USP37: variants seen among roughly 807,000 people sequenced by gnomAD.
The protein encoded by USP37 is ubiquitin specific peptidase 37.
A neutral mutation model predicts 124.0 loss-of-function variants in USP37; 27 were observed. That is an observed-to-expected ratio of 0.22 (90% CI 0.16 to 0.30). The LOEUF (loss-of-function observed/expected upper bound fraction) is 0.30. USP37 is among the 10% of genes least tolerant of loss of function. The pLI, the probability that USP37 is intolerant of heterozygous loss-of-function variation, is 1.00. For missense variants in USP37, 889 were observed against 1,140.4 expected (o/e 0.78, Z 3.17); for synonymous variants, 365 against 388.0 (o/e 0.94, Z 0.70).
At chr2:218,488,175 C>CAAAAAAAAAAAAAAAA (rs66581703) in intron 15 of USP37, 129 bp downstream of exon 15, 1 of 311,160 alleles carries the variant, frequency 3.2e-6, no homozygotes, top group Non-Finnish European at 5.3e-6. Flanking sequence ...GACCCTGTCT[C>CAAAAAAAAAAAAAAAA]AAAAAAAAAA....
At chr2:218,544,780 G>A (rs947370675) in intron 8 of USP37, among the ~76,000 whole-genome samples, 1 of 152,048 alleles carries the variant, frequency 6.6e-6, no homozygotes, top group Non-Finnish European at 1.5e-5. Flanking sequence ...ATAGACCCAA[G>A]ACCCCTCCAG....
At position 218,498,038 on chromosome 2, in the gene USP37, T is replaced by C. The variant is rs746365568; in HGVS notation, c.1145A>G (p.Asn382Ser). 9 of 1,608,310 alleles carry C rather than the reference T, an allele frequency of 5.6e-6. No homozygotes were observed. Among genetic ancestry groups the C allele is most frequent in the African/African-American group, 1.3e-5 (1 of 74,658 alleles). Residue 382 changes from asparagine (N) to serine (S), a missense_variant, in exon 12 of 26, where the codon AAT (asparagine) becomes AGT (serine). Asn to Ser is a conservative substitution (Grantham distance 46). Coordinates refer to ENST00000258399, the MANE Select transcript of USP37 (RefSeq NM_020935.3). ...QGIPWKKIPL[N>S]ALIRRFAHLL... ...ACATAATGATTACCTGATAAGTGCA[T>C]TGAGTGGAATTTTCTTCCATGGGAT...
At chr2:218,518,874 T>TAGTGCCACACTA (rs1690439763) in intron 10 of USP37, among the ~76,000 whole-genome samples, 1 of 152,208 alleles carries the variant, frequency 6.6e-6, no homozygotes, top group East Asian at 1.9e-4. Flanking sequence ...AGATAGTAAA[T>TAGTGCCACACTA]AGTGCCACAC....
intron 10 of USP37, among the ~76,000 whole-genome samples, chr2:218,523,046 C>A (rs537401620): frequency 6.6e-6 from 1 of 152,110 alleles, no homozygotes; most frequent in Non-Finnish European, 1.5e-5. Context: ...GAGGCCGAGA[C>A]GGGTGGATCA....
At chr2:218,486,711 C>A (rs1691586009) in intron 15 of USP37, among the ~76,000 whole-genome samples, 1 of 152,146 alleles carries the variant, frequency 6.6e-6, no homozygotes, top group Non-Finnish European at 1.5e-5. Context: ...AGCCACCACA[C>A]CCAGCCAGAT....
At position 218,495,818 on chromosome 2, in the gene USP37, T is replaced by G. The variant is rs1334994025; in HGVS notation, c.1414A>C (p.Thr472Pro). The change falls in exon 14 of 26, where the codon ACT becomes CCT. Residue 472 changes from threonine to proline, a missense_variant. This residue lies in a region of USP37 where 504 missense variants were observed against 714.3 expected (regional missense o/e 0.71). Coordinates refer to ENST00000258399, the MANE Select transcript of USP37 (RefSeq NM_020935.3). The stretch of plus-strand genomic sequence containing the variant: ...TCCAAATTAGTAATAACAGGGCAAG[T>G]GTATGCTCTGGTAGCTGAAATATCT... ...SPDISATRAYTCPVITNLEFE... is the reference protein window; with the variant it reads ...SPDISATRAYPCPVITNLEFE... 1 of 1,613,962 alleles carries G rather than the reference T, an allele frequency of 6.2e-7. No individual in the cohort carries two copies. The highest frequency in any genetic ancestry group is 1.7e-5 in the Admixed American group (1 of 60,018).
chr2:218,483,298 G>A (rs77949935), intron 16 of USP37, among the ~76,000 whole-genome samples: 2 of 138,268 alleles, frequency 1.4e-5, no homozygotes, highest in East Asian at 1.9e-4. Flanking sequence ...AGTAAAAGGT[G>A]GGGGGGAAGG....
intron 22 of USP37, among the ~76,000 whole-genome samples, chr2:218,462,445 T>C (rs961210688): frequency 1.1e-4 from 16 of 152,182 alleles, no homozygotes; most frequent in African/African-American, 3.9e-4. Context: ...AACAGATTCC[T>C]ACATCTACTT....
rs1242983431 is a variant in USP37 at position 218,512,375 on chromosome 2, C to T, written c.864-2235G>A. ...TACAAAAATTAGCCAAGCGTAGTGG[C>T]GCACACCAGTAGTCCCCAGCTACTT... On this transcript the variant is annotated intron_variant, in intron 10 of 25. Coordinates refer to ENST00000258399, the MANE Select transcript of USP37 (RefSeq NM_020935.3). 3.9e-5 allele frequency among the ~76,000 whole-genome samples: 6 copies of T among 151,976 alleles called. No homozygotes were observed. In the South Asian group the frequency reaches 6.2e-4, roughly 16 times the overall value.
chr2:218,555,647 A>C (rs1692927339), intron 4 of USP37, among the ~76,000 whole-genome samples: 1 of 152,220 alleles, frequency 6.6e-6, no homozygotes, highest in Non-Finnish European at 1.5e-5. Context: ...ACAACTGAAA[A>C]GCCCATCCAG....
intron 4 of USP37, among the ~76,000 whole-genome samples, chr2:218,554,199 A>C (rs1029762845): frequency 2.0e-5 from 3 of 152,218 alleles, no homozygotes; most frequent in African/African-American, 7.2e-5. Flanking sequence ...AAATAACATC[A>C]TTTCCTTCAT....
chr2:218,544,436 G>T (rs866403881), intron 8 of USP37, among the ~76,000 whole-genome samples: 32 of 122,944 alleles, frequency 2.6e-4, no homozygotes, highest in African/African-American at 6.0e-4. Context: ...TATATAGAGA[G>T]AGAGAGAGAG....
At position 218,493,019 on chromosome 2, in the gene USP37, A is replaced by AT. The variant is rs527660180; in HGVS notation, c.1472+2740dup. ...AAGACTCTGTCTTAAAAAAAAAAAA[A>AT]TTTTTTTCCCTCATATTCAAGAATA... On this transcript the variant is annotated intron_variant, in intron 14 of 25. Coordinates refer to ENST00000258399, the MANE Select transcript of USP37 (RefSeq NM_020935.3). Among the ~76,000 whole-genome samples the AT allele has an allele frequency of 5.4e-3, 814 of 151,546 alleles. 6 individuals are homozygous for AT. Among genetic ancestry groups the AT allele is most frequent in the Admixed American group, 0.014 (209 of 15,220 alleles).
chr2:218,482,016 A>G, intron 17 of USP37, 54 bp downstream of exon 17: 1 of 1,519,834 alleles, frequency 6.6e-7, no homozygotes, highest in Non-Finnish European at 8.9e-7. Flanking sequence ...ATTAGATACT[A>G]AAGCCTTTCT....
At chr2:218,558,098 A>G (rs1693124968) in intron 4 of USP37, among the ~76,000 whole-genome samples, 1 of 152,084 alleles carries the variant, frequency 6.6e-6, no homozygotes, top group South Asian at 2.1e-4. Context: ...GGAAGTAGAC[A>G]CTGGCTTTTA....
In USP37 at chr2:218,466,077, T is replaced by C. The variant is rs187848746; in HGVS notation, c.2399A>G (p.Tyr800Cys). The C allele has an allele frequency of 1.5e-5, 25 of 1,614,062 alleles. No homozygotes were observed. The Admixed American group carries it at 4.0e-4, about 26-fold the overall frequency. Reference protein sequence around the residue: ...SQGEVDWLQQYDMEREREEQE... With the variant: ...SQGEVDWLQQCDMEREREEQE... ...CTCTTCCCTTTCACGCTCCATATCATACTGCTGGAGCCAATCAACTTCTCC... is the reference window on the plus strand; with the variant it reads ...CTCTTCCCTTTCACGCTCCATATCACACTGCTGGAGCCAATCAACTTCTCC... Residue 800 changes from tyrosine (Y) to cysteine (C), a missense_variant, in exon 21 of 26, where the codon TAT (tyrosine) becomes TGT (cysteine). Coordinates refer to ENST00000258399, the MANE Select transcript of USP37 (RefSeq NM_020935.3).
At chr2:218,531,207 G>T (rs985242583) in intron 9 of USP37, among the ~76,000 whole-genome samples, 4 of 152,196 alleles carry the variant, frequency 2.6e-5, no homozygotes, top group Admixed American at 2.0e-4. Flanking sequence ...AGGACAGGCT[G>T]ACTCTCTTGC....
rs370659373 is a variant in USP37 at position 218,522,837 on chromosome 2, T to C, written c.863+7119A>G. The stretch of plus-strand genomic sequence containing the variant: ...TACAGGTTGAGTATCCCTGAAATGC[T>C]TGGAAAGAAGAGTTTCAGGGCCGGA... On this transcript the variant is annotated intron_variant, in intron 10 of 25. Coordinates refer to ENST00000258399, the MANE Select transcript of USP37 (RefSeq NM_020935.3). Among the ~76,000 whole-genome samples the C allele has an allele frequency of 1.1e-4, 17 of 152,242 alleles. 1 individual carries two copies. The East Asian group carries it at 3.1e-3, about 28-fold the overall frequency.
intron 5 of USP37, among the ~76,000 whole-genome samples, chr2:218,550,628 G>GA (rs1559225277): frequency 9.3e-6 from 1 of 107,490 alleles, no homozygotes; most frequent in African/African-American, 3.5e-5. Flanking sequence ...AAAAAAAAAA[G>GA]AAAAAAGAAA....
Sources: gnomAD v4.1 joint callset for allele counts (sites outside exome capture counted in the v4.1 genomes callset) on GRCh38, gnomAD v4.1.1 for gene constraint, gnomAD v4.1.1 regional missense constraint, MANE v1.5 for transcripts, NCBI Gene and HGNC (gene_info 2026-07-23, HGNC 2026-07-21) for gene names.